ARMC9: variants seen among roughly 807,000 people sequenced by gnomAD.
ARMC9 encodes lisH domain-containing protein ARMC9.
In ARMC9, 94 loss-of-function variants were observed where a neutral mutation model predicts 107.0. The ratio of observed to expected loss-of-function variants is 0.88; its 90% CI spans 0.74 to 1.04. The LOEUF (loss-of-function observed/expected upper bound fraction) is 1.04, where lower values mean the gene tolerates loss of function less well. Ranked by LOEUF, ARMC9 falls within the 50% of genes least tolerant of loss-of-function variation. The pLI is 0.00. For missense variants in ARMC9, 942 were observed against 1,030.1 expected (o/e 0.91, Z 1.17); for synonymous variants, 380 against 396.9 (o/e 0.96, Z 0.51).
intron 19 of ARMC9, among the ~76,000 whole-genome samples, chr2:231,325,780 G>GT (rs2043280161): frequency 6.6e-6 from 1 of 152,202 alleles, no homozygotes; most frequent in East Asian, 1.9e-4. Context: ...TTGACTTGGG[G>GT]TAGGGCCTCA....
At chr2:231,302,763 G>T (rs2041832040) in intron 19 of ARMC9, among the ~76,000 whole-genome samples, 1 of 152,106 alleles carries the variant, frequency 6.6e-6, no homozygotes, top group Non-Finnish European at 1.5e-5. Context: ...AGCACTTTCG[G>T]AGCCCCAGGT....
intron 8 of ARMC9, among the ~76,000 whole-genome samples, chr2:231,237,757 A>ATATGTG (rs201040795): frequency 1.2e-4 from 3 of 25,684 alleles, no homozygotes; most frequent in African/African-American, 4.0e-4. Context: ...CTATATGTAT[A>ATATGTG]TATATATATA....
intron 21 of ARMC9, among the ~76,000 whole-genome samples, chr2:231,353,176 A>G (rs1397420109): frequency 7.6e-6 from 1 of 131,078 alleles, no homozygotes. Flanking sequence ...CAGCCATCCT[A>G]TTTGCACAAA....
At chr2:231,244,757 T>G (rs2036602324) in intron 9 of ARMC9, among the ~76,000 whole-genome samples, 1 of 152,220 alleles carries the variant, frequency 6.6e-6, no homozygotes, top group African/African-American at 2.4e-5. Context: ...CCTGGACAGC[T>G]CTGGCCAAGC....
intron 20 of ARMC9, among the ~76,000 whole-genome samples, chr2:231,338,102 G>A (rs2125570771): frequency 6.6e-6 from 1 of 152,280 alleles, no homozygotes; most frequent in South Asian, 2.1e-4. Flanking sequence ...AGGCTTTGTG[G>A]GTCCTCCAGC....
chr2:231,323,115 G>T (rs1195052019), intron 19 of ARMC9, among the ~76,000 whole-genome samples: 1 of 152,058 alleles, frequency 6.6e-6, no homozygotes, highest in Non-Finnish European at 1.5e-5. Context: ...CTTGAGGCCA[G>T]GAGTTAGAGG....
intron 20 of ARMC9, among the ~76,000 whole-genome samples, chr2:231,339,057 T>C (rs766146240): frequency 2.0e-5 from 3 of 152,136 alleles, no homozygotes; most frequent in Non-Finnish European, 2.9e-5. Context: ...AGGCTGGGTG[T>C]GGTGGCTCAC....
chr2:231,311,476 G>C (rs149568048), intron 19 of ARMC9, among the ~76,000 whole-genome samples: 63 of 152,208 alleles, frequency 4.1e-4, no homozygotes, highest in African/African-American at 1.4e-3. Flanking sequence ...ATAGAACACT[G>C]TGCAGGGGTT....
chr2:231,316,045 C>T (rs943907966), intron 19 of ARMC9, among the ~76,000 whole-genome samples: 13 of 152,022 alleles, frequency 8.6e-5, no homozygotes, highest in Admixed American at 7.9e-4. Flanking sequence ...TCAGTAGGCT[C>T]GATTTCTGTT....
At chr2:231,227,918 G>A (rs2034804804) in intron 7 of ARMC9, among the ~76,000 whole-genome samples, 1 of 152,208 alleles carries the variant, frequency 6.6e-6, no homozygotes, top group South Asian at 2.1e-4. Flanking sequence ...GCCCTTCATG[G>A]AGGAGCAGGG....
chr2:231,261,000 G>A (rs2038286753), intron 11 of ARMC9, among the ~76,000 whole-genome samples: 1 of 152,144 alleles, frequency 6.6e-6, no homozygotes, highest in African/African-American at 2.4e-5. Context: ...CCCTGGCCAT[G>A]GTCATCACAT....
intron 20 of ARMC9, among the ~76,000 whole-genome samples, chr2:231,333,860 C>A (rs1467768534): frequency 1.3e-5 from 2 of 152,246 alleles, no homozygotes; most frequent in Non-Finnish European, 2.9e-5. Flanking sequence ...AGTTAATAAT[C>A]TAGAGGACCT....
intron 17 of ARMC9, among the ~76,000 whole-genome samples, chr2:231,287,529 G>C (rs1041480904): frequency 6.6e-6 from 1 of 151,852 alleles, no homozygotes; most frequent in African/African-American, 2.4e-5. Flanking sequence ...ACTAGGTATG[G>C]GCTTTGCTTT....
rs561396698 is a variant in ARMC9, at chr2:231,358,448, C to T, written c.2132-2306C>T. ...AACCCTTGGGCTCAAGCGATCCTCC[C>T]GCCTCGGCCTCCCAAAGTGCTGGGA... On this transcript the variant is annotated intron_variant, in intron 22 of 24. Transcript: ENST00000611582. The surrounding 1 kb of genome is among the most constrained non-coding windows in gnomAD (Gnocchi z 4.5). Among the ~76,000 whole-genome samples, 12 of 152,160 alleles carry T rather than the reference C, an allele frequency of 7.9e-5. No homozygotes were observed. Among genetic ancestry groups the T allele is most frequent in the South Asian group, 6.2e-4 (3 of 4,812 alleles).
rs1322373759 is a variant in ARMC9, at chr2:231,279,645, G to A, written c.1551+1187G>A. On this transcript the variant is annotated intron_variant, in intron 16 of 24. Coordinates refer to ENST00000611582, the MANE Select transcript of ARMC9 (RefSeq NM_001352754.2). ...CCTGCCTCAGCCTCCCAAGTAGCTG[G>A]GATTACAGGTGCCCGCCACTACGTC... 2.6e-5 allele frequency among the ~76,000 whole-genome samples: 4 copies of A among 151,584 alleles called. No individual in the cohort carries two copies. The South Asian group carries it at 6.3e-4, about 24-fold the overall frequency.
intron 9 of ARMC9, among the ~76,000 whole-genome samples, chr2:231,242,385 G>A (rs957927519): frequency 1.2e-4 from 18 of 152,178 alleles, no homozygotes; most frequent in African/African-American, 4.3e-4. Flanking sequence ...GGTAGAAGCG[G>A]AGTCTTTGGG....
In ARMC9 at chr2:231,254,887, G is replaced by A. The variant is rs114215680; in HGVS notation, c.880-1699G>A. Among the ~76,000 whole-genome samples the A allele has an allele frequency of 4.4e-3, 673 of 152,046 alleles. 3 individuals are homozygous for A. The highest frequency in any genetic ancestry group is 0.015 in the African/African-American group (633 of 41,484). ...GCCCCCACCCTGGAGTTCTTTAAAAGCCAATTCCAAACATGTCATGTCACC... is the reference window on the plus strand; with the variant it reads ...GCCCCCACCCTGGAGTTCTTTAAAAACCAATTCCAAACATGTCATGTCACC... On this transcript the variant is annotated intron_variant, in intron 9 of 24. Transcript: ENST00000611582.
chr2:231,271,927 G>A (rs934765280), intron 13 of ARMC9, among the ~76,000 whole-genome samples: 1 of 152,018 alleles, frequency 6.6e-6, no homozygotes, highest in Non-Finnish European at 1.5e-5. Context: ...CTGTTGTGAA[G>A]ACTTAAGGGC....
rs555188237 is a variant in ARMC9 at position 231,212,449 on chromosome 2, A to G, written c.178-2382A>G. Among the ~76,000 whole-genome samples, 62 of 152,360 alleles carry G rather than the reference A, an allele frequency of 4.1e-4. 1 individual carries two copies. In the South Asian group the frequency reaches 0.013, roughly 31 times the overall value. ...CCTTAGAACAAACTGTAGATGGGCC[A>G]TTTGACTTGTGGACTCTGCCAAGCC... On this transcript the variant is annotated intron_variant, in intron 3 of 24. Transcript: ENST00000611582.
Sources: gnomAD v4.1 joint callset for allele counts (sites outside exome capture counted in the v4.1 genomes callset) on GRCh38, gnomAD v4.1.1 for gene constraint, Gnocchi (gnomAD v3.1) non-coding constraint, MANE v1.5 for transcripts, NCBI Gene and HGNC (gene_info 2026-07-23, HGNC 2026-07-21) for gene names.